The following PSME4 variants were observed in gnomAD, a reference collection of about 807,000 sequenced individuals.
The protein encoded by PSME4 is proteasome activator complex subunit 4.
Under a neutral mutation model 253.9 loss-of-function variants are expected in PSME4, and 89 were observed. The observed-to-expected ratio is 0.35, with a 90% CI of 0.30 to 0.42. PSME4 has a LOEUF of 0.42. Among genes scored for constraint, PSME4 ranks in the 10% least tolerant of loss-of-function variants. The pLI, the probability that PSME4 is intolerant of heterozygous loss-of-function variation, is 1.00. For missense variants in PSME4, 2,014 were observed against 2,195.2 expected (o/e 0.92, Z 1.65); for synonymous variants, 851 against 759.2 (o/e 1.12, Z -1.99).
intron 1 of PSME4, among the ~76,000 whole-genome samples, chr2:53,967,353 G>GA (rs889000852): frequency 6.6e-6 from 1 of 151,868 alleles, no homozygotes; most frequent in African/African-American, 2.4e-5. Flanking sequence ...TAAAAATGAA[G>GA]AAAAAAGTCA....
chr2:53,963,752 AAAG>A (rs1306211671), intron 1 of PSME4, among the ~76,000 whole-genome samples: 3 of 152,226 alleles, frequency 2.0e-5, no homozygotes, highest in Admixed American at 2.0e-4. Flanking sequence ...CAAATTTGGC[AAAG>A]AAGCAGAACC....
chr2:53,891,162 G>C (rs757524743), intron 36 of PSME4, among the ~76,000 whole-genome samples: 92 of 152,310 alleles, frequency 6.0e-4, no homozygotes, highest in Non-Finnish European at 1.1e-3. Flanking sequence ...ACCTTAAAGA[G>C]GCAATGACAT....
At chr2:53,894,636 C>T (rs1190784920) in intron 34 of PSME4, among the ~76,000 whole-genome samples, 3 of 152,208 alleles carry the variant, frequency 2.0e-5, no homozygotes, top group Non-Finnish European at 2.9e-5. Flanking sequence ...AATCTACCAA[C>T]ATGCATTTAC....
chr2:53,889,554 A>T (rs1451604639), intron 37 of PSME4, among the ~76,000 whole-genome samples: 1 of 152,162 alleles, frequency 6.6e-6, no homozygotes, highest in African/African-American at 2.4e-5. Flanking sequence ...TGGAGGGCTG[A>T]CTGTACAGGA....
At position 53,866,833 on chromosome 2, in the gene PSME4, G is replaced by A; in HGVS notation, c.5311C>T (p.Leu1771Phe). The change falls in exon 45 of 47, where the codon CTT becomes TTT. Residue 1771 changes from leucine (L) to phenylalanine (F), a missense_variant. This residue lies in a region of PSME4 where 403 missense variants were observed against 556.1 expected (regional missense o/e 0.72). Coordinates refer to ENST00000404125, the MANE Select transcript of PSME4 (RefSeq NM_014614.3). Reference sequence around the variant, plus strand: ...GTGGGAACATCGTAAGGACTAGAAAGAACACATGCACCAAGTCCTAGCACC... The same window carrying A: ...GTGGGAACATCGTAAGGACTAGAAAAAACACATGCACCAAGTCCTAGCACC... ...AGVLGLGACV[L>F]SSPYDVPTWM... The A allele has an allele frequency of 1.2e-6, 2 of 1,614,048 alleles. No homozygotes were observed. The highest frequency in any genetic ancestry group is 1.7e-6 in the Non-Finnish European group (2 of 1,179,936).
chr2:53,920,949 T>A lies in PSME4; in HGVS notation c.2202A>T (p.Thr734=), dbSNP rs1440168614. Residue 734 remains threonine (T), a synonymous_variant, in exon 18 of 47, where the codon ACA becomes ACT. Transcript: ENST00000404125. ...AGCCACCTGGCACACTGCAGTATTC[T>A]GTAGGGTAGATAAGTGTGGTAGAAC... The part of the protein sequence containing the change: ...LLRSTTLIYP[T]EYCSVPGGFD... 2.2e-5 allele frequency: 35 copies of A among 1,613,938 alleles called. No individual in the cohort carries two copies. Among genetic ancestry groups the A allele is most frequent in the African/African-American group, 2.7e-5 (2 of 74,914 alleles).
chr2:53,948,317 T>C (rs1669820342), intron 3 of PSME4, 104 bp downstream of exon 3: 1 of 750,526 alleles, frequency 1.3e-6, no homozygotes, highest in Non-Finnish European at 2.3e-6. Flanking sequence ...CACATTAAAA[T>C]ATCTGCTTGT....
At chr2:53,950,311 A>G (rs188178880) in intron 1 of PSME4, among the ~76,000 whole-genome samples, 1 of 152,248 alleles carries the variant, frequency 6.6e-6, no homozygotes, top group East Asian at 1.9e-4. Context: ...AGATTGCCAA[A>G]TAAGTATCTT....
chr2:53,883,248 T>C (rs1679478959), intron 41 of PSME4, among the ~76,000 whole-genome samples: 1 of 152,200 alleles, frequency 6.6e-6, no homozygotes, highest in African/African-American at 2.4e-5. Context: ...AAATAGTAGC[T>C]CACACCTGTA....
At chr2:53,908,938 T>C (rs1247188465) in intron 21 of PSME4, 98 bp from the exon 22 acceptor site, 2 of 897,238 alleles carry the variant, frequency 2.2e-6, no homozygotes, top group East Asian at 2.5e-5. Flanking sequence ...GGATAAAGTA[T>C]TGGAGAAAAA....
chr2:53,905,941 CTG>C (rs957460024), intron 26 of PSME4, among the ~76,000 whole-genome samples: 128 of 152,190 alleles, frequency 8.4e-4, no homozygotes, highest in African/African-American at 2.7e-3. Flanking sequence ...ATCCAAAAAT[CTG>C]AAATCTGTAA....
chr2:53,932,962 T>G (rs1244622821), intron 8 of PSME4: 1 of 514,570 alleles, frequency 1.9e-6, no homozygotes, highest in African/African-American at 1.9e-5. Flanking sequence ...CTACTGCAAA[T>G]AAGGGCAGCT....
At chr2:53,964,291 A>C (rs1375243676) in intron 1 of PSME4, among the ~76,000 whole-genome samples, 1 of 152,244 alleles carries the variant, frequency 6.6e-6, no homozygotes, top group Admixed American at 6.5e-5. Context: ...TATACTTTCC[A>C]TTCAATTTTG....
chr2:53,941,465 C>A (rs969359123), intron 3 of PSME4, among the ~76,000 whole-genome samples: 1 of 151,818 alleles, frequency 6.6e-6, no homozygotes, highest in Non-Finnish European at 1.5e-5. Flanking sequence ...TTCTATCCAA[C>A]TACGTTTAAA....
At chr2:53,965,913 C>T (rs988944173) in intron 1 of PSME4, among the ~76,000 whole-genome samples, 10 of 152,062 alleles carry the variant, frequency 6.6e-5, no homozygotes, top group African/African-American at 9.7e-5. Flanking sequence ...ACCTTGTGAT[C>T]CACCTGCTTC....
Position 53,875,749 on chromosome 2 carries a change from G to A in PSME4, c.4822C>T (p.Pro1608Ser), listed in dbSNP as rs1558644670. ...QLLPLFFKIA[P>S]VENDNSYDEL... The stretch of plus-strand genomic sequence containing the variant: ...TCGTAGCTATTGTCATTTTCCACTG[G>A]GGCAATCTAAAAAACAATGTAAAAA... Residue 1608 changes from proline (P) to serine (S), a missense_variant, in exon 42 of 47, where the codon CCA becomes TCA. Pro to Ser is a moderately conservative substitution (Grantham distance 74). Transcript: ENST00000404125. 2 of 1,608,180 alleles carry A rather than the reference G, an allele frequency of 1.2e-6. No homozygotes were observed. The highest frequency in any genetic ancestry group is 8.5e-7 in the Non-Finnish European group (1 of 1,177,770).
At chr2:53,925,868 G>T in intron 13 of PSME4, 91 bp downstream of exon 13, 1 of 1,380,578 alleles carries the variant, frequency 7.2e-7, no homozygotes, top group Non-Finnish European at 1.0e-6. Context: ...GCTAAATAAA[G>T]GTTATAATGC....
chr2:53,941,545 G>A (rs1178160184), intron 3 of PSME4, among the ~76,000 whole-genome samples: 2 of 151,978 alleles, frequency 1.3e-5, no homozygotes, highest in Non-Finnish European at 2.9e-5. Flanking sequence ...AAGGCTATCT[G>A]CTCATATATA....
intron 20 of PSME4, among the ~76,000 whole-genome samples, chr2:53,912,957 T>G (rs1667892155): frequency 6.6e-6 from 1 of 152,226 alleles, no homozygotes; most frequent in Non-Finnish European, 1.5e-5. Flanking sequence ...AGGCACTGTC[T>G]TACAGATCTA....
Sources: allele counts gnomAD v4.1 joint callset (sites outside exome capture counted in the v4.1 genomes callset), GRCh38; gene constraint gnomAD v4.1.1; regional missense constraint gnomAD v4.1.1; transcripts MANE v1.5; gene names NCBI Gene and HGNC (gene_info 2026-07-23, HGNC 2026-07-21).